Variants in CMYA5 observed in about 807,000 individuals in gnomAD.
The protein encoded by CMYA5 is cardiomyopathy-associated protein 5.
Under a neutral mutation model 318.9 loss-of-function variants are expected in CMYA5, and 246 were observed. That is an observed-to-expected ratio of 0.77 (90% CI 0.70 to 0.86). The LOEUF (loss-of-function observed/expected upper bound fraction) is 0.86. Among genes scored for constraint, CMYA5 ranks in the 40% least tolerant of loss-of-function variants. CMYA5 has a pLI of 0.00. For missense variants in CMYA5, 4,589 were observed against 4,678.2 expected (o/e 0.98, Z 0.56); for synonymous variants, 1,641 against 1,729.5 (o/e 0.95, Z 1.27).
chr5:79,769,639 C>T (rs535376951), intron 9 of CMYA5, among the ~76,000 whole-genome samples: 3 of 152,296 alleles, frequency 2.0e-5, no homozygotes, highest in Admixed American at 1.3e-4. Context: ...GGCTGCAGAA[C>T]AGCAAAGATT....
intron 1 of CMYA5, among the ~76,000 whole-genome samples, chr5:79,693,274 T>C (rs1224207841): frequency 6.6e-6 from 1 of 152,164 alleles, no homozygotes; most frequent in East Asian, 1.9e-4. Context: ...GAAGTATCTG[T>C]TCTCAACCGA....
Position 79,730,054 on chromosome 5 carries a change from C to G in CMYA5, c.1289C>G (p.Ala430Gly), listed in dbSNP as rs984790846. The change falls in exon 2 of 13, where the codon GCT (alanine) becomes GGT (glycine). Residue 430 changes from alanine to glycine, a missense_variant. Physicochemically the swap from Ala to Gly is moderately conservative, Grantham distance 60. Transcript: ENST00000446378. ...NEVKKEDVYS[A>G]HHSISLEAAS... is the part of the protein sequence containing the mutation. ...GTAAAGAAGGAAGATGTGTATTCTG[C>G]TCACCATTCCATTTCTCTGGAGGCA... 1 of 1,613,904 alleles carries G rather than the reference C, an allele frequency of 6.2e-7. No individual in the cohort carries two copies. The highest frequency in any genetic ancestry group is 8.5e-7 in the Non-Finnish European group (1 of 1,179,884).
chr5:79,728,321 T>C (rs1827791899), intron 1 of CMYA5, among the ~76,000 whole-genome samples: 3 of 137,374 alleles, frequency 2.2e-5, no homozygotes, highest in African/African-American at 1.0e-4. Flanking sequence ...TGAACATCTT[T>C]TTTTTTTTTT....
intron 1 of CMYA5, among the ~76,000 whole-genome samples, chr5:79,693,623 A>C (rs1387230550): frequency 6.6e-6 from 1 of 152,186 alleles, no homozygotes; most frequent in Non-Finnish European, 1.5e-5. Context: ...GATTATAGGC[A>C]TGAGCCACCG....
At chr5:79,764,748 G>A (rs1828718150) in intron 9 of CMYA5, among the ~76,000 whole-genome samples, 1 of 152,204 alleles carries the variant, frequency 6.6e-6, no homozygotes, top group African/African-American at 2.4e-5. Context: ...GACCAGTGAT[G>A]ATGAGCTTTT....
chr5:79,774,861 C>T (rs975692370), intron 9 of CMYA5, among the ~76,000 whole-genome samples: 1 of 152,190 alleles, frequency 6.6e-6, no homozygotes, highest in African/African-American at 2.4e-5. Context: ...TCCTAATGAA[C>T]TTAGTGCAGA....
chr5:79,793,131 T>C (rs1471252201), intron 11 of CMYA5, among the ~76,000 whole-genome samples: 2 of 152,232 alleles, frequency 1.3e-5, no homozygotes, highest in African/African-American at 4.8e-5. Flanking sequence ...CTGCAGCATT[T>C]CTTTTTGTCC....
intron 1 of CMYA5, among the ~76,000 whole-genome samples, chr5:79,691,268 C>T (rs1293949719): frequency 6.6e-6 from 1 of 152,148 alleles, no homozygotes; most frequent in Non-Finnish European, 1.5e-5. Flanking sequence ...GAGTAGGGGA[C>T]CTGTGATCCC....
chr5:79,796,051 G>A (rs1355609608), intron 12 of CMYA5, among the ~76,000 whole-genome samples: 1 of 151,836 alleles, frequency 6.6e-6, no homozygotes, highest in Non-Finnish European at 1.5e-5. Context: ...TGCAGAACTG[G>A]TGGAGACAAG....
chr5:79,732,645 G>A lies in CMYA5; in HGVS notation c.3880G>A (p.Glu1294Lys), dbSNP rs377719479. 5.0e-6 allele frequency: 8 copies of A among 1,613,406 alleles called. No individual in the cohort carries two copies. Among genetic ancestry groups the A allele is most frequent in the Non-Finnish European group, 6.8e-6 (8 of 1,179,746 alleles). Residue 1294 changes from glutamate (E) to lysine (K), a missense_variant, in exon 2 of 13, where the codon GAG becomes AAG. Transcript: ENST00000446378. ...PLKETSLSGPEALSAVKMEMK... is the reference protein window; with the variant it reads ...PLKETSLSGPKALSAVKMEMK... The stretch of plus-strand genomic sequence containing the variant: ...AAAGGAAACATCTTTATCTGGACCT[G>A]AGGCTTTATCAGCAGTGAAAATGGA...
intron 9 of CMYA5, among the ~76,000 whole-genome samples, chr5:79,767,941 T>C (rs1828784339): frequency 1.3e-5 from 2 of 152,194 alleles, no homozygotes; most frequent in Non-Finnish European, 2.9e-5. Flanking sequence ...TCTAAGTCTC[T>C]TTGTAGGTCT....
chr5:79,793,626 C>G lies in CMYA5; in HGVS notation c.11963+16C>G. On this transcript the variant is annotated intron_variant, in intron 12 of 12. Transcript: ENST00000446378. ...AGCCACAGAGGTAAGCGAGCCCTTC[C>G]CCTCCCCTCTTCATCAAAATATTAT... The G allele has an allele frequency of 6.3e-7, 1 of 1,580,534 alleles. No homozygotes were observed. Among genetic ancestry groups the G allele is most frequent in the Non-Finnish European group, 8.7e-7 (1 of 1,154,096 alleles).
Position 79,712,290 on chromosome 5 carries a change from C to T in CMYA5, c.150-16625C>T, listed in dbSNP as rs146571141. ...AGTGTGGTGCGTGATCTCGGCTCAC[C>T]GCAACCTTAGTCTCCCAGATTCAAG... is the stretch of plus-strand genomic sequence containing the variant. On this transcript the variant is annotated intron_variant, in intron 1 of 12. Coordinates refer to ENST00000446378, the MANE Select transcript of CMYA5 (RefSeq NM_153610.5). Among the ~76,000 whole-genome samples, 1,508 of 152,132 alleles carry T rather than the reference C, an allele frequency of 9.9e-3. 29 individuals are homozygous for T. Among genetic ancestry groups the T allele is most frequent in the African/African-American group, 0.027 (1,137 of 41,502 alleles).
At chr5:79,691,683 A>C (rs1248950370) in intron 1 of CMYA5, among the ~76,000 whole-genome samples, 1 of 152,220 alleles carries the variant, frequency 6.6e-6, no homozygotes, top group East Asian at 1.9e-4. Context: ...TTTAGGAAAA[A>C]CACGTATCGA....
intron 1 of CMYA5, among the ~76,000 whole-genome samples, chr5:79,706,488 A>C (rs1374076182): frequency 1.3e-5 from 2 of 152,222 alleles, no homozygotes; most frequent in African/African-American, 4.8e-5. Context: ...GTTAGACCAG[A>C]AATTCTCAGA....
In CMYA5 at chr5:79,732,574, A is replaced by AGTT. The variant is rs758789029; in HGVS notation, c.3812_3814dup (p.Leu1271dup). On this transcript the variant is annotated inframe_insertion, in exon 2 of 13. Transcript: ENST00000446378. The stretch of plus-strand genomic sequence containing the variant: ...GTGACTTCTGAACTAGAACAGAGAA[A>AGTT]GTTGTCCAAGAATGAGCCTGAAGTA... 5.0e-5 allele frequency: 80 copies of AGTT among 1,612,932 alleles called. No homozygotes were observed. The Admixed American group carries it at 1.1e-3, about 22-fold the overall frequency.
Position 79,789,030 on chromosome 5 carries a change from A to T in CMYA5, c.11615A>T (p.Tyr3872Phe). The change falls in exon 10 of 13, where the codon TAC (tyrosine) becomes TTC (phenylalanine). Residue 3872 changes from tyrosine (Y) to phenylalanine (F), a missense_variant. This residue lies in a region of CMYA5 where 2,431 missense variants were observed against 2,495.1 expected (regional missense o/e 0.97). Transcript: ENST00000446378. ...GTTAACCTCCAACCCAATGATAACT[A>T]CTTTTTCTATGTGAGGGCCATCAAT... ...LKVNLQPNDN[Y>F]FFYVRAINAF... The T allele has an allele frequency of 6.2e-7, 1 of 1,613,930 alleles. No homozygotes were observed. The highest frequency in any genetic ancestry group is 8.5e-7 in the Non-Finnish European group (1 of 1,179,846).
At position 79,763,222 on chromosome 5, in the gene CMYA5, C is replaced by A; in HGVS notation, c.11555+13C>A. 1 of 1,585,432 alleles carries A rather than the reference C, an allele frequency of 6.3e-7. No homozygotes were observed. The highest frequency in any genetic ancestry group is 2.3e-5 in the East Asian group (1 of 43,630). The stretch of plus-strand genomic sequence containing the variant: ...GAGAGGGCCTCAGGTGAGGGGCCCT[C>A]TCCATGGGAGAGACTGCCCAGAGCC... On this transcript the variant is annotated intron_variant, in intron 9 of 12. Transcript: ENST00000446378.
chr5:79,733,423 C>CA lies in CMYA5; in HGVS notation c.4659dup (p.Ser1554IlefsTer11), dbSNP rs1561208924. 3 of 1,613,624 alleles carry CA rather than the reference C, an allele frequency of 1.9e-6. No individual in the cohort carries two copies. The African/African-American group carries it at 4.0e-5, about 22-fold the overall frequency. The stretch of plus-strand genomic sequence containing the variant: ...CCTTCATCACAAAATGTGTCACCTG[C>CA]ATCCAAACATATAATCCCAAAAGGC... On this transcript the variant is annotated frameshift_variant, in exon 2 of 13. Transcript: ENST00000446378. LOFTEE classifies it high-confidence loss of function.
Sources: allele counts gnomAD v4.1 joint callset (sites outside exome capture counted in the v4.1 genomes callset), GRCh38; gene constraint gnomAD v4.1.1; regional missense constraint gnomAD v4.1.1; transcripts MANE v1.5; gene names NCBI Gene and HGNC (gene_info 2026-07-23, HGNC 2026-07-21).